Variants in CNIH3 observed in about 807,000 individuals in gnomAD.
The protein encoded by CNIH3 is protein cornichon homolog 3.
CNIH3 carries 14 observed loss-of-function variants against 24.1 expected under a neutral mutation model. The observed-to-expected ratio is 0.58, with a 90% confidence interval of 0.38 to 0.91. The LOEUF (loss-of-function observed/expected upper bound fraction) is 0.91, where lower values mean the gene tolerates loss of function less well. Ranked by LOEUF, CNIH3 falls within the 40% of genes least tolerant of loss-of-function variation. CNIH3 has a pLI of 0.00. For synonymous variants in CNIH3, 68 were observed against 73.8 expected, an observed-to-expected ratio of 0.92 and a Z score of 0.40; for missense variants, 178 against 196.8, an observed-to-expected ratio of 0.90 and a Z score of 0.57.
chr1:224,513,328 AT>A (rs1678236303), upstream of CNIH3, among the ~76,000 whole-genome samples: 1 of 29,142 alleles, frequency 3.4e-5, no homozygotes, highest in Non-Finnish European at 6.0e-5. Context: ...TTTTTTTTTA[AT>A]TTTTGTAGAG....
chr1:224,551,851 C>T (rs565925038), intron 3 of CNIH3, among the ~76,000 whole-genome samples: 354 of 150,750 alleles, frequency 2.3e-3, no homozygotes, highest in African/African-American at 7.9e-3. Flanking sequence ...GGTGTACTCC[C>T]TCTGTGTACA....
intron 3 of CNIH3, among the ~76,000 whole-genome samples, chr1:224,564,996 T>C (rs1360594233): frequency 1.3e-5 from 2 of 152,200 alleles, no homozygotes; most frequent in East Asian, 1.9e-4. Context: ...CAGTCTCACA[T>C]CACAAATGAC....
intron 3 of CNIH3, chr1:224,611,298 A>C (rs541502094): frequency 6.6e-6 from 1 of 152,254 alleles, no homozygotes; most frequent in Non-Finnish European, 1.5e-5. Flanking sequence ...TAAACTGATT[A>C]TCTCAATTTC....
At chr1:224,560,070 G>C (rs1680301273) in intron 3 of CNIH3, among the ~76,000 whole-genome samples, 1 of 152,046 alleles carries the variant, frequency 6.6e-6, no homozygotes, top group Non-Finnish European at 1.5e-5. Flanking sequence ...GTGTAGTTTT[G>C]ATGCATTACT....
At chr1:224,456,803 C>T (rs991153073) in intron 1 of CNIH3, among the ~76,000 whole-genome samples, 1 of 152,210 alleles carries the variant, frequency 6.6e-6, no homozygotes, top group Non-Finnish European at 1.5e-5. Context: ...ATTCTCGTGC[C>T]CTCCTTGCAC....
rs529350040 is a variant in CNIH3, at chr1:224,635,210, T to C, written c.81+17955T>C. Among the ~76,000 whole-genome samples the C allele has an allele frequency of 2.6e-5, 4 of 152,206 alleles. 1 individual carries two copies. In the South Asian group the frequency reaches 8.3e-4, roughly 32 times the overall value. ...CTAAACACTTTTAAACCATCAGATC[T>C]TGTGAGATCTCACTCACTATCATGA... On this transcript the variant is annotated intron_variant, in intron 1 of 5. Coordinates refer to ENST00000272133, the MANE Select transcript of CNIH3 (RefSeq NM_152495.2).
chr1:224,445,376 A>T (rs1675112735), intron 1 of CNIH3, among the ~76,000 whole-genome samples: 1 of 151,506 alleles, frequency 6.6e-6, no homozygotes, highest in Non-Finnish European at 1.5e-5. Context: ...AGGAGTTCGA[A>T]ATCAGCCTGG....
intron 1 of CNIH3, among the ~76,000 whole-genome samples, chr1:224,617,759 G>C (rs1163825858): frequency 6.6e-6 from 1 of 152,224 alleles, no homozygotes. Context: ...CGGAGAGGAA[G>C]GAGACCAGGC....
At chr1:224,696,899 A>G (rs1687205243) in intron 3 of CNIH3, among the ~76,000 whole-genome samples, 1 of 152,098 alleles carries the variant, frequency 6.6e-6, no homozygotes, top group East Asian at 1.9e-4. Flanking sequence ...CTGATCACCT[A>G]GCACCTTATA....
intron 1 of CNIH3, among the ~76,000 whole-genome samples, chr1:224,623,426 G>T (rs561297588): frequency 6.6e-6 from 1 of 152,234 alleles, no homozygotes; most frequent in East Asian, 1.9e-4. Context: ...CCCGGGAGCT[G>T]CTGGGTCCCA....
At chr1:224,564,803 TTGTC>T (rs1680514339) in intron 3 of CNIH3, among the ~76,000 whole-genome samples, 1 of 152,228 alleles carries the variant, frequency 6.6e-6, no homozygotes, top group South Asian at 2.1e-4. Flanking sequence ...AAGGATGGCT[TTGTC>T]TGCCAGAAAG....
intron 1 of CNIH3, among the ~76,000 whole-genome samples, chr1:224,644,732 G>A (rs992519952): frequency 3.3e-4 from 50 of 152,268 alleles, no homozygotes; most frequent in Middle Eastern, 3.4e-3. Context: ...ATGCTCAACC[G>A]TTGCCACTAG....
At chr1:224,448,096 G>C (rs1675239234) in intron 1 of CNIH3, among the ~76,000 whole-genome samples, 1 of 152,138 alleles carries the variant, frequency 6.6e-6, no homozygotes, top group South Asian at 2.1e-4. Flanking sequence ...ACTCAGCCAG[G>C]CATGGTGGCG....
chr1:224,715,468 C>G lies in CNIH3; in HGVS notation c.199-14994C>G, dbSNP rs572732926. On this transcript the variant is annotated intron_variant, in intron 3 of 5. Coordinates refer to ENST00000272133, the MANE Select transcript of CNIH3 (RefSeq NM_152495.2). ...CAAATTCCTCTTCTGAGAACCAGTC[C>G]TCAACATCCAACTGCCTTGGATGTT... 6.6e-5 allele frequency among the ~76,000 whole-genome samples: 10 copies of G among 152,298 alleles called. No individual in the cohort carries two copies. The East Asian group carries it at 1.9e-3, about 29-fold the overall frequency.
At chr1:224,483,276 G>C (rs1676884880) in intron 1 of CNIH3, among the ~76,000 whole-genome samples, 1 of 152,158 alleles carries the variant, frequency 6.6e-6, no homozygotes, top group Non-Finnish European at 1.5e-5. Context: ...CTTGAACTTG[G>C]CAGGTGAAGG....
rs1402477377 is a variant in CNIH3 at position 224,729,554 on chromosome 1, A to C, written c.199-908A>C. Among the ~76,000 whole-genome samples, 4 of 151,258 alleles carry C rather than the reference A, an allele frequency of 2.6e-5. No homozygotes were observed. In the East Asian group the frequency reaches 7.7e-4, roughly 29 times the overall value. ...ATATTTATATATTATATAAATAAATATATTTAGTAATATGTATCTATATCT... is the reference window on the plus strand; with the variant it reads ...ATATTTATATATTATATAAATAAATCTATTTAGTAATATGTATCTATATCT... On this transcript the variant is annotated intron_variant, in intron 3 of 5. Transcript: ENST00000272133.
chr1:224,721,271 A>C (rs1001236421), intron 3 of CNIH3, among the ~76,000 whole-genome samples: 1 of 152,028 alleles, frequency 6.6e-6, no homozygotes, highest in Admixed American at 6.6e-5. Context: ...AGGCTTGTTG[A>C]ACCCTTAACC....
Position 224,730,551 on chromosome 1 carries a change from T to C in CNIH3, c.288T>C (p.Pro96=). 1 of 1,554,986 alleles carries C rather than the reference T, an allele frequency of 6.4e-7. No homozygotes were observed. The highest frequency in any genetic ancestry group is 8.7e-7 in the Non-Finnish European group (1 of 1,147,616). The stretch of plus-strand genomic sequence containing the variant: ...GGCTCACGCTGGGGCTGAATGTCCC[T>C]CTACTTTTCTATCACTTCTGGAGGT... ...QEWLTLGLNV[P]LLFYHFWRYF... is the part of the protein sequence containing the mutation. Residue 96 remains proline (P), a synonymous_variant, in exon 4 of 6, where the codon CCT becomes CCC. Transcript: ENST00000272133.
At chr1:224,555,060 G>A (rs1229932481) in intron 3 of CNIH3, among the ~76,000 whole-genome samples, 1 of 152,144 alleles carries the variant, frequency 6.6e-6, no homozygotes, top group Non-Finnish European at 1.5e-5. Context: ...AGGGGAGGTG[G>A]TAGTGTCCTG....
Sources: allele counts gnomAD v4.1 joint callset (sites outside exome capture counted in the v4.1 genomes callset), GRCh38; gene constraint gnomAD v4.1.1; transcripts MANE v1.5; gene names NCBI Gene and HGNC (gene_info 2026-07-23, HGNC 2026-07-21).